The following SLC44A5 variants were observed in gnomAD, a reference collection of about 807,000 sequenced individuals.
SLC44A5 encodes solute carrier family 44 member 5, also known as choline transporter-like protein 5.
SLC44A5 carries 57 observed loss-of-function variants against 101.8 expected under a neutral mutation model. The ratio of observed to expected loss-of-function variants is 0.56; its 90% confidence interval spans 0.45 to 0.70. The LOEUF (loss-of-function observed/expected upper bound fraction) is 0.70, where lower values mean the gene tolerates loss of function less well. Among genes scored for constraint, SLC44A5 ranks in the 30% least tolerant of loss-of-function variants. The pLI, the probability that SLC44A5 is intolerant of heterozygous loss-of-function variation, is 0.00. For synonymous variants in SLC44A5, 281 were observed against 290.9 expected, an observed-to-expected ratio of 0.97 and a Z score of 0.35; for missense variants, 737 against 853.1, an observed-to-expected ratio of 0.86 and a Z score of 1.70.
At chr1:75,212,534 C>T (rs657221) in intron 22 of SLC44A5, among the ~76,000 whole-genome samples, 33,371 of 152,110 alleles carry the variant, frequency 0.22, 3,890 homozygotes, top group Middle Eastern at 0.35. Flanking sequence ...CATTCTTTCT[C>T]ACGACTGTAT....
intron 7 of SLC44A5, among the ~76,000 whole-genome samples, chr1:75,247,281 G>A (rs1175228211): frequency 6.6e-6 from 1 of 152,028 alleles, no homozygotes; most frequent in Non-Finnish European, 1.5e-5. Context: ...CAAGGATAAG[G>A]TAGAAATCAA....
chr1:75,693,702 G>A, the SLC44A5 span, among the ~76,000 whole-genome samples: 33 of 152,218 alleles, frequency 2.2e-4, no homozygotes, highest in East Asian at 3.3e-3. Flanking sequence ...GAGATAAGGA[G>A]AAACTAGCAA....
intron 2 of SLC44A5, among the ~76,000 whole-genome samples, chr1:75,479,470 T>C (rs1350206051): frequency 6.6e-6 from 1 of 152,192 alleles, no homozygotes; most frequent in Non-Finnish European, 1.5e-5. Flanking sequence ...GAGCTGGTTT[T>C]TTGAAAGGAT....
intron 2 of SLC44A5, among the ~76,000 whole-genome samples, chr1:75,425,721 G>A (rs553026065): frequency 2.0e-5 from 3 of 152,186 alleles, no homozygotes; most frequent in Non-Finnish European, 4.4e-5. Flanking sequence ...GAGAGGTCAA[G>A]TTAGGTCCCC....
At chr1:75,428,645 C>T (rs1664445422) in intron 2 of SLC44A5, among the ~76,000 whole-genome samples, 2 of 152,092 alleles carry the variant, frequency 1.3e-5, no homozygotes, top group African/African-American at 2.4e-5. Flanking sequence ...CAGGCATCCC[C>T]AGTACAAGCA....
chr1:75,317,720 G>GGTCC (rs910882495), intron 4 of SLC44A5, among the ~76,000 whole-genome samples: 3 of 152,136 alleles, frequency 2.0e-5, no homozygotes, highest in Non-Finnish European at 2.9e-5. Flanking sequence ...TCAGGTTCTG[G>GGTCC]TGAGGGGCTT....
At chr1:75,346,517 T>A (rs1458400670) in intron 3 of SLC44A5, among the ~76,000 whole-genome samples, 1 of 152,138 alleles carries the variant, frequency 6.6e-6, no homozygotes, top group Non-Finnish European at 1.5e-5. Context: ...AGGGGGCATT[T>A]GAAATGCACT....
the SLC44A5 span, among the ~76,000 whole-genome samples, chr1:75,683,212 T>A: frequency 6.6e-6 from 1 of 151,482 alleles, no homozygotes; most frequent in African/African-American, 2.4e-5. Flanking sequence ...TCCTCTGGGA[T>A]CTAGAACTAG....
chr1:75,496,034 A>G (rs2101824738), intron 2 of SLC44A5, among the ~76,000 whole-genome samples: 1 of 152,190 alleles, frequency 6.6e-6, no homozygotes, highest in South Asian at 2.1e-4. Flanking sequence ...ATCAAATACT[A>G]GATCTCATTC....
At chr1:75,508,110 T>C (rs928696917) in intron 2 of SLC44A5, among the ~76,000 whole-genome samples, 12 of 152,116 alleles carry the variant, frequency 7.9e-5, no homozygotes, top group Non-Finnish European at 1.5e-4. Flanking sequence ...ATTGACCACA[T>C]GCTCAGCCAT....
chr1:75,202,576 A>G lies in SLC44A5; in HGVS notation c.*1151T>C, dbSNP rs1159950708. Reference sequence around the variant, plus strand: ...ATGTTCCTGTTTATAGTAGTACAATACAATTAACATACTGTAAGTAAACTG... The same window carrying G: ...ATGTTCCTGTTTATAGTAGTACAATGCAATTAACATACTGTAAGTAAACTG... On this transcript the variant is annotated 3_prime_UTR_variant, in exon 24 of 24. Coordinates refer to ENST00000370859, the MANE Select transcript of SLC44A5 (RefSeq NM_001130058.2). 1 of 152,194 alleles carries G rather than the reference A, an allele frequency of 6.6e-6. No homozygotes were observed. Among genetic ancestry groups the G allele is most frequent in the Non-Finnish European group, 1.5e-5 (1 of 68,018 alleles). The allele number at this position is 152,194 out of a possible 1,614,324, so 9.4% of individuals were successfully genotyped here.
At position 75,227,745 on chromosome 1, in the gene SLC44A5, T is replaced by C. The variant is rs370175689; in HGVS notation, c.966A>G (p.Gln322=). ...ACTCACTAAATGTGAACCATGTTTG[T>C]TGCAGTTCAAAGTACATGCTTATGT... The part of the protein sequence containing the change: ...QTNISMYFEL[Q]QTWFTFMIIL... Residue 322 remains glutamine, a synonymous_variant, in exon 13 of 24, where the codon CAA becomes CAG. Transcript: ENST00000370859. 3 of 1,558,484 alleles carry C rather than the reference T, an allele frequency of 1.9e-6. No individual in the cohort carries two copies. Among genetic ancestry groups the C allele is most frequent in the African/African-American group, 2.8e-5 (2 of 71,100 alleles).
chr1:75,721,978 T>C, the SLC44A5 span, among the ~76,000 whole-genome samples: 2 of 152,140 alleles, frequency 1.3e-5, no homozygotes, highest in Non-Finnish European at 2.9e-5. Context: ...TAGCGAATAA[T>C]TGTTAATTTT....
At chr1:75,451,929 T>C (rs1217557468) in intron 2 of SLC44A5, among the ~76,000 whole-genome samples, 5 of 152,166 alleles carry the variant, frequency 3.3e-5, no homozygotes, top group African/African-American at 1.2e-4. Flanking sequence ...TGAAAACACT[T>C]GATCTTAGCC....
rs1202738868 is a variant in SLC44A5, at chr1:75,445,515, T to C, written c.14-48894A>G. Among the ~76,000 whole-genome samples, 4 of 62,698 alleles carry C rather than the reference T, an allele frequency of 6.4e-5. No individual in the cohort carries two copies. The East Asian group carries it at 1.1e-3, about 17-fold the overall frequency. 41.1% of individuals were successfully genotyped at this position (62,698 alleles called of 152,430 possible). A position where few individuals can be genotyped will look rare whatever the true frequency, so the allele number is the denominator to read the frequency against. On this transcript the variant is annotated intron_variant, in intron 2 of 23. Coordinates refer to ENST00000370859, the MANE Select transcript of SLC44A5 (RefSeq NM_001130058.2). ...TATATATAATATTATACACACAATA[T>C]AATATATGTATATATTACGTAATAT...
At chr1:75,338,541 T>C (rs1035633435) in intron 4 of SLC44A5, among the ~76,000 whole-genome samples, 2 of 152,200 alleles carry the variant, frequency 1.3e-5, no homozygotes, top group Non-Finnish European at 2.9e-5. Context: ...GATGTAATCA[T>C]AGTAAAAGTA....
At chr1:75,348,594 G>T (rs1327390918) in intron 3 of SLC44A5, among the ~76,000 whole-genome samples, 1 of 152,114 alleles carries the variant, frequency 6.6e-6, no homozygotes, top group East Asian at 1.9e-4. Context: ...AAAACTGACA[G>T]ATTAATAACA....
chr1:75,444,458 A>AG (rs201307123), intron 2 of SLC44A5, among the ~76,000 whole-genome samples: 1 of 115,060 alleles, frequency 8.7e-6, no homozygotes, highest in South Asian at 2.9e-4. Context: ...AAAGAAAGAA[A>AG]AAGAAAAAAA....
intron 2 of SLC44A5, among the ~76,000 whole-genome samples, chr1:75,406,186 C>T (rs111435354): frequency 6.6e-6 from 1 of 152,100 alleles, no homozygotes; most frequent in Non-Finnish European, 1.5e-5. Flanking sequence ...CCTTAATAGA[C>T]CAATAACAAG....
Sources: gnomAD v4.1 joint callset for allele counts (sites outside exome capture counted in the v4.1 genomes callset) on GRCh38, gnomAD v4.1.1 for gene constraint, MANE v1.5 for transcripts, NCBI Gene and HGNC (gene_info 2026-07-23, HGNC 2026-07-21) for gene names.